PCDHGB2: variants seen among roughly 807,000 people sequenced by gnomAD.
PCDHGB2 encodes the protein protocadherin gamma-B2.
PCDHGB2 carries 55 observed loss-of-function variants against 59.3 expected under a neutral mutation model. The ratio of observed to expected loss-of-function variants is 0.93; its 90% CI spans 0.75 to 1.16. The LOEUF (loss-of-function observed/expected upper bound fraction) is 1.16, where lower values mean the gene tolerates loss of function less well. Among genes scored for constraint, PCDHGB2 ranks in the 50% most tolerant of loss-of-function variants. PCDHGB2 has a pLI of 0.00. For synonymous variants in PCDHGB2, 516 were observed against 512.0 expected, an observed-to-expected ratio of 1.01 and a Z score of -0.11; for missense variants, 1,228 against 1,198.5, an observed-to-expected ratio of 1.02 and a Z score of -0.36.
intron 1 of PCDHGB2, chr5:141,420,079 C>T (rs1362049053): frequency 6.2e-7 from 1 of 1,613,998 alleles, no homozygotes; most frequent in Non-Finnish European, 8.5e-7. Flanking sequence ...CTGTGGGTCC[C>T]CCCAACTACA....
intron 1 of PCDHGB2, chr5:141,471,417 T>A (rs1174855045): frequency 6.6e-6 from 1 of 152,190 alleles, no homozygotes; most frequent in Non-Finnish European, 1.5e-5. Flanking sequence ...GTTATGTTTT[T>A]AGCAAGGAAA....
chr5:141,494,037 T>C (rs2099751443), intron 1 of PCDHGB2, among the ~76,000 whole-genome samples: 1 of 152,146 alleles, frequency 6.6e-6, no homozygotes, highest in South Asian at 2.1e-4. Context: ...GAGACTTAGT[T>C]GGCCCTGCTT....
At chr5:141,421,371 T>C in intron 1 of PCDHGB2, 2 of 1,614,028 alleles carry the variant, frequency 1.2e-6, no homozygotes, top group Non-Finnish European at 1.7e-6. Flanking sequence ...TCGTGGGCAA[T>C]ATCTCCAAGG....
intron 1 of PCDHGB2, among the ~76,000 whole-genome samples, chr5:141,484,084 T>A (rs1030166144): frequency 3.3e-5 from 5 of 152,174 alleles, no homozygotes; most frequent in African/African-American, 4.8e-5. Flanking sequence ...TCTTTTGAAA[T>A]GGTCTTCGTT....
intron 1 of PCDHGB2, among the ~76,000 whole-genome samples, chr5:141,466,558 C>T (rs1407160827): frequency 6.6e-6 from 1 of 152,120 alleles, no homozygotes; most frequent in Non-Finnish European, 1.5e-5. Flanking sequence ...CTGTGGGCTT[C>T]ATCTTCAACA....
intron 1 of PCDHGB2, chr5:141,478,367 C>T (rs2099451272): frequency 1.2e-6 from 2 of 1,613,750 alleles, no homozygotes; most frequent in South Asian, 2.2e-5. Context: ...GCGGGGAGGC[C>T]TGATGTCGCC....
At chr5:141,393,528 G>A in intron 1 of PCDHGB2, 7 of 1,613,988 alleles carry the variant, frequency 4.3e-6, no homozygotes, top group East Asian at 4.5e-5. Context: ...AAATGACAAT[G>A]CCCCGGTTTT....
intron 1 of PCDHGB2, chr5:141,390,115 G>A: frequency 1.2e-6 from 2 of 1,614,036 alleles, no homozygotes; most frequent in Non-Finnish European, 1.7e-6. Flanking sequence ...TACAGCGAGG[G>A]GACTTTGCCT....
chr5:141,371,934 G>A (rs1024560538), intron 1 of PCDHGB2: 3 of 1,613,324 alleles, frequency 1.9e-6, no homozygotes, highest in Admixed American at 3.3e-5. Context: ...GAGCGGGGTG[G>A]TGTTCGCGCA....
intron 1 of PCDHGB2, among the ~76,000 whole-genome samples, chr5:141,443,466 A>G (rs1402303157): frequency 6.6e-6 from 1 of 152,184 alleles, no homozygotes; most frequent in East Asian, 1.9e-4. Flanking sequence ...AGTCTGGGTG[A>G]CAGAATTAGA....
In PCDHGB2 at chr5:141,385,248, G is replaced by T; in HGVS notation, c.2421+22692G>T. 6.2e-7 allele frequency: 1 copy of T among 1,613,854 alleles called. No individual in the cohort carries two copies. The highest frequency in any genetic ancestry group is 8.5e-7 in the Non-Finnish European group (1 of 1,179,720). The stretch of plus-strand genomic sequence containing the variant: ...ATGTAGACATGCTCATCAGCCAGGA[G>T]AGCTGTGAGAAAAATGATTCTTTGC... On this transcript the variant is annotated intron_variant, in intron 1 of 3. Coordinates refer to ENST00000522605, the MANE Select transcript of PCDHGB2 (RefSeq NM_018923.3).
Position 141,383,803 on chromosome 5 carries a change from T to C in PCDHGB2, c.2421+21247T>C, listed in dbSNP as rs141242913. 756 of 1,613,958 alleles carry C rather than the reference T, an allele frequency of 4.7e-4. 3 individuals carry two copies. The highest frequency in any genetic ancestry group is 8.2e-4 in the Middle Eastern group (5 of 6,062). ...TCTGAACTCGCTTACAGGAGAAATA[T>C]CAACTTTAGAAGGATTAGATTATGA... On this transcript the variant is annotated intron_variant, in intron 1 of 3. Transcript: ENST00000522605.
chr5:141,435,733 T>C (rs950139563), intron 1 of PCDHGB2, among the ~76,000 whole-genome samples: 12 of 152,208 alleles, frequency 7.9e-5, no homozygotes, highest in African/African-American at 2.7e-4. Context: ...AGTGTATTAC[T>C]CTTTGAAAAG....
chr5:141,384,202 G>A (rs752360983), intron 1 of PCDHGB2: 9 of 1,613,734 alleles, frequency 5.6e-6, no homozygotes, highest in Non-Finnish European at 6.8e-6. Flanking sequence ...CTTGTCCAGG[G>A]AAACTCACAT....
chr5:141,445,814 TA>T (rs1554133713), intron 1 of PCDHGB2, among the ~76,000 whole-genome samples: 1 of 152,182 alleles, frequency 6.6e-6, no homozygotes, highest in Non-Finnish European at 1.5e-5. Context: ...TAGATGAAAC[TA>T]ATAAGGCAGG....
rs1223986597 is a variant in PCDHGB2, at chr5:141,417,300, A to G, written c.2421+54744A>G. The G allele has an allele frequency of 2.0e-5, 3 of 152,440 alleles. No homozygotes were observed. In the East Asian group the frequency reaches 5.8e-4, roughly 29 times the overall value. The allele number at this position is 152,440 out of a possible 1,614,324, so 9.4% of individuals were successfully genotyped here. ...AAGGAACAAGAATGACTGCCTCTGG[A>G]TGGAGGAATTGGATAGCAATGGGCC... On this transcript the variant is annotated intron_variant, in intron 1 of 3. Coordinates refer to ENST00000522605, the MANE Select transcript of PCDHGB2 (RefSeq NM_018923.3).
At chr5:141,428,823 T>C (rs2097162740) in intron 1 of PCDHGB2, 1 of 152,274 alleles carries the variant, frequency 6.6e-6, no homozygotes, top group Non-Finnish European at 1.5e-5. Context: ...TTAGCTTTCA[T>C]GTATTTTTGA....
rs372235829 is a variant in PCDHGB2, at chr5:141,381,798, C to CTCTTTCTTTCTT, written c.2421+19255_2421+19266dup. On this transcript the variant is annotated intron_variant, in intron 1 of 3. Transcript: ENST00000522605. ...ATCAGGAACAAGGCAAGGCAATTCC[C>CTCTTTCTTTCTT]TCTTTCTTTCTTTCTTTCTTTCTTC... 5.9e-4 allele frequency among the ~76,000 whole-genome samples: 85 copies of CTCTTTCTTTCTT among 144,150 alleles called. 1 individual carries two copies. Among genetic ancestry groups the CTCTTTCTTTCTT allele is most frequent in the African/African-American group, 2.2e-3 (83 of 37,512 alleles). 94.6% of individuals were successfully genotyped at this position (144,150 alleles called of 152,430 possible).
rs2097372368 is a variant in PCDHGB2 at position 141,431,422 on chromosome 5, G to A, written c.2422-63385G>A. On this transcript the variant is annotated intron_variant, in intron 1 of 3. Coordinates refer to ENST00000522605, the MANE Select transcript of PCDHGB2 (RefSeq NM_018923.3). This position sits in a 1 kb window ranked among gnomAD's most constrained non-coding sequence, Gnocchi z 4.8. ...CGGCCTCCGACGGGGGCGACCCGGTGCGCACAGGCACCGCGCGCATCCGCG... is the reference window on the plus strand; with the variant it reads ...CGGCCTCCGACGGGGGCGACCCGGTACGCACAGGCACCGCGCGCATCCGCG... 6.2e-7 allele frequency: 1 copy of A among 1,613,710 alleles called. No individual in the cohort carries two copies. The highest frequency in any genetic ancestry group is 2.2e-5 in the East Asian group (1 of 44,882).
Sources: allele counts gnomAD v4.1 joint callset (sites outside exome capture counted in the v4.1 genomes callset), GRCh38; gene constraint gnomAD v4.1.1; non-coding constraint Gnocchi (gnomAD v3.1); transcripts MANE v1.5; gene names NCBI Gene and HGNC (gene_info 2026-07-23, HGNC 2026-07-21).